Variants in YJEFN3 observed in about 807,000 individuals in gnomAD.
YJEFN3 encodes the protein yjeF N-terminal domain-containing protein 3.
YJEFN3 carries 29 observed loss-of-function variants against 31.5 expected under a neutral mutation model. The ratio of observed to expected loss-of-function variants is 0.92; its 90% confidence interval spans 0.69 to 1.26. The LOEUF (loss-of-function observed/expected upper bound fraction) is 1.26, where lower values mean the gene tolerates loss of function less well. Among genes scored for constraint, YJEFN3 ranks in the 50% most tolerant of loss-of-function variants. YJEFN3 has a pLI of 0.00. For missense variants in YJEFN3, 442 were observed against 425.4 expected (o/e 1.04, Z -0.34); for synonymous variants, 227 against 196.1 (o/e 1.16, Z -1.32).
chr19:19,530,432 G>A lies in YJEFN3; in HGVS notation c.209+919G>A, dbSNP rs567821527. 2.3e-3 allele frequency among the ~76,000 whole-genome samples: 301 copies of A among 133,384 alleles called. 1 individual carries two copies. Among genetic ancestry groups the A allele is most frequent in the African/African-American group, 6.1e-3 (218 of 35,722 alleles). The allele number at this position is 133,384 out of a possible 152,430, so 87.5% of individuals were successfully genotyped here. A position where few individuals can be genotyped will look rare whatever the true frequency, so the allele number is the denominator to read the frequency against. On this transcript the variant is annotated intron_variant, in intron 2 of 6. Coordinates refer to ENST00000514277, the MANE Select transcript of YJEFN3 (RefSeq NM_198537.4). ...CCACCCCCAGGTTCCTAACCTGGAC[G>A]ACCCTCTGCCCACAGAGCCCCCATT...
At position 19,534,298 on chromosome 19, in the gene YJEFN3, CAG is replaced by C. The variant is rs938131339; in HGVS notation, c.319-732_319-731del. 8.7e-6 allele frequency: 4 copies of C among 461,032 alleles called. No homozygotes were observed. Among genetic ancestry groups the C allele is most frequent in the Non-Finnish European group, 1.1e-5 (4 of 350,620 alleles). The allele number at this position is 461,032 out of a possible 1,614,324, so 28.6% of individuals were successfully genotyped here. On this transcript the variant is annotated intron_variant, in intron 3 of 6. Coordinates refer to ENST00000514277, the MANE Select transcript of YJEFN3 (RefSeq NM_198537.4). This position sits in a 1 kb window ranked among gnomAD's most constrained non-coding sequence, Gnocchi z 4.6. ...AGAGAGCCAGAGACATACAGAAAGACAGAGACACTAGAGTCTGAGAGATACAG... is the reference window on the plus strand; with the variant it reads ...AGAGAGCCAGAGACATACAGAAAGACAGACACTAGAGTCTGAGAGATACAG...
At chr19:19,532,892 G>A in intron 3 of YJEFN3, 152 bp downstream of exon 3, 1 of 1,121,472 alleles carries the variant, frequency 8.9e-7, no homozygotes, top group Non-Finnish European at 1.2e-6. Context: ...GGCCCAGAGA[G>A]GCTCATGGCT....
At chr19:19,532,802 T>G in intron 3 of YJEFN3, 62 bp downstream of exon 3, 1 of 1,346,522 alleles carries the variant, frequency 7.4e-7, no homozygotes, top group Non-Finnish European at 1.0e-6. Flanking sequence ...CTGAGCTGCA[T>G]GACTGCTGTG....
At chr19:19,531,365 T>C (rs2061154108) in intron 2 of YJEFN3, among the ~76,000 whole-genome samples, 2 of 152,250 alleles carry the variant, frequency 1.3e-5, no homozygotes, top group Non-Finnish European at 2.9e-5. Flanking sequence ...TCTGAATCAT[T>C]AGTTGTTTTT....
rs752112251 is a variant in YJEFN3, at chr19:19,535,516, C to G, written c.544-13C>G. On this transcript the variant is annotated splice_polypyrimidine_tract_variant and intron_variant, in intron 5 of 6. Coordinates refer to ENST00000514277, the MANE Select transcript of YJEFN3 (RefSeq NM_198537.4). The stretch of plus-strand genomic sequence containing the variant: ...TGGCCCTGGGCCACCCTGACCCTGC[C>G]TGCCTTCCCCAGGTGCAGCTCATTA... 3.7e-6 allele frequency: 6 copies of G among 1,607,962 alleles called. No individual in the cohort carries two copies. In the East Asian group the frequency reaches 1.3e-4, roughly 36 times the overall value.
chr19:19,533,497 T>A, intron 3 of YJEFN3: 1 of 807,516 alleles, frequency 1.2e-6, no homozygotes, highest in South Asian at 5.9e-5. Flanking sequence ...CCTTTCTCTC[T>A]CCCTCCTCCT....
intron 3 of YJEFN3, chr19:19,533,534 T>C (rs2061178593): frequency 1.4e-5 from 10 of 709,822 alleles, no homozygotes; most frequent in Non-Finnish European, 1.5e-5. Context: ...CTTCTCTCCT[T>C]TCTCCTTCCT....
At chr19:19,536,149 G>A (rs1206005723) in intron 6 of YJEFN3, 1 of 338,238 alleles carries the variant, frequency 3.0e-6, no homozygotes, top group Non-Finnish European at 5.5e-6. Context: ...GGGCACCAAG[G>A]GAGGCGGCGT....
chr19:19,529,637 C>G (rs2061134675), intron 2 of YJEFN3, 124 bp downstream of exon 2: 7 of 1,327,842 alleles, frequency 5.3e-6, no homozygotes, highest in Non-Finnish European at 7.2e-6. Flanking sequence ...ATGCGTCCAA[C>G]AGCTCCTGCC....
chr19:19,536,040 C>T lies in YJEFN3; in HGVS notation c.694+361C>T, dbSNP rs140264726. On this transcript the variant is annotated intron_variant, in intron 6 of 6. Coordinates refer to ENST00000514277, the MANE Select transcript of YJEFN3 (RefSeq NM_198537.4). ...GCGACAGGCAGACGGAACAAACAGCCGCTGGCCAGCCGGACCCTCCGTGGG... is the reference window on the plus strand; with the variant it reads ...GCGACAGGCAGACGGAACAAACAGCTGCTGGCCAGCCGGACCCTCCGTGGG... 16 of 523,568 alleles carry T rather than the reference C, an allele frequency of 3.1e-5. 1 individual carries two copies. The highest frequency in any genetic ancestry group is 9.9e-4 in the Middle Eastern group (2 of 2,026). The allele number at this position is 523,568 out of a possible 1,614,324, so 32.4% of individuals were successfully genotyped here. A position where few individuals can be genotyped will look rare whatever the true frequency, so the allele number is the denominator to read the frequency against.
intron 6 of YJEFN3, among the ~76,000 whole-genome samples, chr19:19,536,647 C>G (rs1273383978): frequency 6.6e-6 from 1 of 151,238 alleles, no homozygotes; most frequent in African/African-American, 2.4e-5. Context: ...CCACTGCACT[C>G]CAGCCTGGGC....
At chr19:19,536,026 ACGGAACAAACAGCCGCTGG>A in intron 6 of YJEFN3, 1 of 530,308 alleles carries the variant, frequency 1.9e-6, no homozygotes, top group Non-Finnish European at 3.3e-6. Flanking sequence ...CGACAGGCAG[ACGGAACAAACAGCCGCTGG>A]CCAGCCGGAC....
At chr19:19,537,012 C>T (rs1367175508) in intron 6 of YJEFN3, among the ~76,000 whole-genome samples, 1 of 152,112 alleles carries the variant, frequency 6.6e-6, no homozygotes, top group Non-Finnish European at 1.5e-5. Flanking sequence ...GGAGCAGAAG[C>T]AGAAAGTCTG....
At chr19:19,535,957 C>T (rs1039734931) in intron 6 of YJEFN3, 1 of 577,242 alleles carries the variant, frequency 1.7e-6, no homozygotes, top group Non-Finnish European at 3.0e-6. Flanking sequence ...GACGTGAGCT[C>T]ACTCGGCAAA....
In YJEFN3 at chr19:19,528,941, C is replaced by T. The variant is rs547598295; in HGVS notation, c.9C>T (p.Ser3=). ...CCGGGCTCACCTCGGCCATGAGCAG[C>T]GCAGCCGGCCCAGACCCGTCGGAGG... MS[S]AAGPDPSEAP... is the part of the protein sequence containing the mutation. Residue 3 remains serine, a synonymous_variant, in exon 1 of 7, where the codon AGC becomes AGT. Coordinates refer to ENST00000514277, the MANE Select transcript of YJEFN3 (RefSeq NM_198537.4). 1.1e-5 allele frequency: 17 copies of T among 1,548,830 alleles called. No homozygotes were observed. In the South Asian group the frequency reaches 1.3e-4, roughly 12 times the overall value.
chr19:19,534,026 TG>T lies in YJEFN3; in HGVS notation c.319-1004del, dbSNP rs1166468660. 2 of 985,500 alleles carry T rather than the reference TG, an allele frequency of 2.0e-6. No individual in the cohort carries two copies. Among genetic ancestry groups the T allele is most frequent in the Non-Finnish European group, 2.4e-6 (2 of 830,090 alleles). 61.0% of individuals were successfully genotyped at this position (985,500 alleles called of 1,614,324 possible). A position where few individuals can be genotyped will look rare whatever the true frequency, so the allele number is the denominator to read the frequency against. On this transcript the variant is annotated intron_variant, in intron 3 of 6. Coordinates refer to ENST00000514277, the MANE Select transcript of YJEFN3 (RefSeq NM_198537.4). The surrounding 1 kb of genome is among the most constrained non-coding windows in gnomAD (Gnocchi z 4.6). ...GTGTGGTTGGAGCTTAAAGTACAGC[TG>T]GGGCTCAAGAGACACCCAGAGTGCC...
intron 3 of YJEFN3, chr19:19,533,842 G>A (rs183020329): frequency 5.1e-4 from 503 of 985,468 alleles, no homozygotes; most frequent in Admixed American, 1.4e-3. Context: ...TCTGGTTTTT[G>A]CACTGAAAGC....
chr19:19,535,272 C>A, intron 4 of YJEFN3, 65 bp from the exon 5 acceptor site: 1 of 1,550,558 alleles, frequency 6.4e-7, no homozygotes. Context: ...AGTGCTTGTC[C>A]CAGGCAGGGT....
chr19:19,528,957 C>A lies in YJEFN3; in HGVS notation c.25C>A (p.Pro9Thr), dbSNP rs747523123. 1 of 1,549,866 alleles carries A rather than the reference C, an allele frequency of 6.5e-7. No homozygotes were observed. The highest frequency in any genetic ancestry group is 1.4e-5 in the African/African-American group (1 of 73,146). The change falls in exon 1 of 7, where the codon CCG (proline) becomes ACG (threonine). Residue 9 changes from proline (P) to threonine (T), a missense_variant. Physicochemically the swap from Pro to Thr is conservative, Grantham distance 38. Coordinates refer to ENST00000514277, the MANE Select transcript of YJEFN3 (RefSeq NM_198537.4). MSSAAGPD[P>T]SEAPEERHFL... Reference sequence around the variant, plus strand: ...CATGAGCAGCGCAGCCGGCCCAGACCCGTCGGAGGCGCCCGAAGAGCGGCA... The same window carrying A: ...CATGAGCAGCGCAGCCGGCCCAGACACGTCGGAGGCGCCCGAAGAGCGGCA...
Sources: allele counts gnomAD v4.1 joint callset (sites outside exome capture counted in the v4.1 genomes callset), GRCh38; gene constraint gnomAD v4.1.1; non-coding constraint Gnocchi (gnomAD v3.1); transcripts MANE v1.5; gene names NCBI Gene and HGNC (gene_info 2026-07-23, HGNC 2026-07-21).